The following TNFRSF8 variants were observed in gnomAD, a reference collection of about 807,000 sequenced individuals.
TNFRSF8 encodes the protein TNF receptor superfamily member 8, also known as tumor necrosis factor receptor superfamily member 8.
In TNFRSF8, 26 loss-of-function variants were observed where a neutral mutation model predicts 70.8. That is an observed-to-expected ratio of 0.37 (90% CI 0.27 to 0.51). The LOEUF is 0.51. Ranked by LOEUF, TNFRSF8 falls within the 20% of genes least tolerant of loss-of-function variation. The pLI, the probability that TNFRSF8 is intolerant of heterozygous loss-of-function variation, is 0.94. For missense variants in TNFRSF8, 720 were observed against 807.9 expected, an observed-to-expected ratio of 0.89 and a Z score of 1.32; for synonymous variants, 356 against 339.2, an observed-to-expected ratio of 1.05 and a Z score of -0.54.
intron 8 of TNFRSF8, among the ~76,000 whole-genome samples, chr1:12,118,111 C>G (rs535965619): frequency 2.6e-5 from 4 of 151,960 alleles, no homozygotes; most frequent in Admixed American, 6.6e-5. Context: ...AACCCTCCCC[C>G]CCCACCCTTT....
At chr1:12,083,972 T>C (rs1001363997) in intron 1 of TNFRSF8, among the ~76,000 whole-genome samples, 1 of 152,094 alleles carries the variant, frequency 6.6e-6, no homozygotes, top group African/African-American at 2.4e-5. Context: ...GCTGGCAAGG[T>C]CCCATTTGAT....
At chr1:12,094,325 A>C (rs1269885310) in intron 2 of TNFRSF8, among the ~76,000 whole-genome samples, 1 of 152,152 alleles carries the variant, frequency 6.6e-6, no homozygotes, top group Non-Finnish European at 1.5e-5. Context: ...GGGAGTTACT[A>C]GGGGAGAGGA....
intron 12 of TNFRSF8, among the ~76,000 whole-genome samples, chr1:12,128,366 G>A (rs1248457936): frequency 6.6e-6 from 1 of 152,226 alleles, no homozygotes; most frequent in Non-Finnish European, 1.5e-5. Context: ...GAGCACATCA[G>A]GGATCTGTGG....
intron 12 of TNFRSF8, among the ~76,000 whole-genome samples, chr1:12,128,407 C>T (rs1641981896): frequency 6.6e-6 from 1 of 152,220 alleles, no homozygotes; most frequent in African/African-American, 2.4e-5. Flanking sequence ...GGCCCACCAA[C>T]CAGCCCTCGA....
rs559422922 is a variant in TNFRSF8 at position 12,069,419 on chromosome 1, G to T, written c.63+5758G>T. Among the ~76,000 whole-genome samples the T allele has an allele frequency of 2.7e-5, 4 of 150,442 alleles. No homozygotes were observed. In the East Asian group the frequency reaches 7.9e-4, roughly 30 times the overall value. ...GTCTCAAACTCCTGACCTCAGACGA[G>T]CCCCCCCGCCTCAGCCTCCCAAAGT... On this transcript the variant is annotated intron_variant, in intron 1 of 14. Coordinates refer to ENST00000263932, the MANE Select transcript of TNFRSF8 (RefSeq NM_001243.5).
At chr1:12,125,309 C>G (rs148554302) in intron 10 of TNFRSF8, among the ~76,000 whole-genome samples, 1 of 152,202 alleles carries the variant, frequency 6.6e-6, no homozygotes, top group Admixed American at 6.5e-5. Flanking sequence ...GCCCTGCAGT[C>G]CCCCCGGCCT....
At chr1:12,077,481 G>A (rs964420879) in intron 1 of TNFRSF8, among the ~76,000 whole-genome samples, 1 of 152,204 alleles carries the variant, frequency 6.6e-6, no homozygotes, top group African/African-American at 2.4e-5. Flanking sequence ...CTAGAAGCAG[G>A]GAACAGCCCT....
chr1:12,116,748 C>T (rs748929989), intron 8 of TNFRSF8, among the ~76,000 whole-genome samples: 7 of 151,968 alleles, frequency 4.6e-5, no homozygotes, highest in South Asian at 2.1e-4. Context: ...TGCAGTGAGC[C>T]GAGATTGCAC....
At chr1:12,065,361 G>C (rs539221916) in intron 1 of TNFRSF8, among the ~76,000 whole-genome samples, 1 of 152,154 alleles carries the variant, frequency 6.6e-6, no homozygotes, top group African/African-American at 2.4e-5. Flanking sequence ...AGGGTTACAG[G>C]CATGAGCCAC....
intron 3 of TNFRSF8, among the ~76,000 whole-genome samples, chr1:12,099,129 T>C (rs1443845134): frequency 6.6e-6 from 1 of 152,170 alleles, no homozygotes; most frequent in Non-Finnish European, 1.5e-5. Context: ...TGAGGATGCT[T>C]GTCTGTTGCC....
chr1:12,125,885 C>T (rs1641927555), intron 10 of TNFRSF8, 66 bp from the exon 11 acceptor site: 2 of 1,301,994 alleles, frequency 1.5e-6, no homozygotes, highest in Non-Finnish European at 2.2e-6. Flanking sequence ...AGGAAGTCGT[C>T]TGGGGCTGGG....
chr1:12,104,782 CTT>C, intron 4 of TNFRSF8, among the ~76,000 whole-genome samples: 1 of 152,276 alleles, frequency 6.6e-6, no homozygotes, highest in African/African-American at 2.4e-5. Flanking sequence ...GGAGGTCTTG[CTT>C]TGGTTTGAGG....
intron 12 of TNFRSF8, among the ~76,000 whole-genome samples, chr1:12,130,049 C>A (rs189095264): frequency 6.6e-6 from 1 of 152,128 alleles, no homozygotes; most frequent in Non-Finnish European, 1.5e-5. Flanking sequence ...GGATTACAGG[C>A]GTGTGCCACA....
At chr1:12,073,607 T>C (rs1172897610) in intron 1 of TNFRSF8, among the ~76,000 whole-genome samples, 1 of 149,604 alleles carries the variant, frequency 6.7e-6, no homozygotes, top group Non-Finnish European at 1.5e-5. Context: ...TTTTTTTTCA[T>C]TTTCTTGACA....
Position 12,084,729 on chromosome 1 carries a change from G to T in TNFRSF8, c.151+178G>T, listed in dbSNP as rs183205206. ...CCAAGGACTCTCTCGGAAGGCTAGG[G>T]CTGTAGAATTGAGACTGTGTTTCTT... is the stretch of plus-strand genomic sequence containing the variant. On this transcript the variant is annotated intron_variant, in intron 2 of 14. Transcript: ENST00000263932. Among the ~76,000 whole-genome samples the T allele has an allele frequency of 4.2e-4, 61 of 144,288 alleles. No individual in the cohort carries two copies. The East Asian group carries it at 5.9e-3, about 14-fold the overall frequency. 94.7% of individuals were successfully genotyped at this position (144,288 alleles called of 152,430 possible). A position where few individuals can be genotyped will look rare whatever the true frequency, so the allele number is the denominator to read the frequency against.
intron 8 of TNFRSF8, 121 bp downstream of exon 8, chr1:12,115,850 G>A: frequency 9.2e-7 from 1 of 1,092,868 alleles, no homozygotes; most frequent in Non-Finnish European, 1.3e-6. Flanking sequence ...CTGTTCATTA[G>A]GTCAGGTTTG....
intron 12 of TNFRSF8, among the ~76,000 whole-genome samples, chr1:12,135,372 C>G (rs757407464): frequency 9.9e-5 from 15 of 150,828 alleles, no homozygotes; most frequent in Non-Finnish European, 1.9e-4. Context: ...GGTCCCCTGT[C>G]CTCCATCTGC....
At chr1:12,140,658 C>A (rs1049740671) in intron 14 of TNFRSF8, among the ~76,000 whole-genome samples, 3 of 152,180 alleles carry the variant, frequency 2.0e-5, no homozygotes, top group Non-Finnish European at 2.9e-5. Context: ...TGCTTCCTCA[C>A]CCAGAGCAGC....
At chr1:12,082,752 A>G (rs1461260748) in intron 1 of TNFRSF8, among the ~76,000 whole-genome samples, 12 of 152,168 alleles carry the variant, frequency 7.9e-5, no homozygotes, top group Admixed American at 7.9e-4. Flanking sequence ...GTGGGCAAAT[A>G]TTTCTTAAAC....
Sources: allele counts gnomAD v4.1 joint callset (sites outside exome capture counted in the v4.1 genomes callset), GRCh38; gene constraint gnomAD v4.1.1; transcripts MANE v1.5; gene names NCBI Gene and HGNC (gene_info 2026-07-23, HGNC 2026-07-21).